The following ZC3H8 variants were observed in gnomAD, a reference collection of about 807,000 sequenced individuals.
ZC3H8 encodes the protein zinc finger CCCH-type containing 8.
In ZC3H8, 27 loss-of-function variants were observed where a neutral mutation model predicts 42.5. The ratio of observed to expected loss-of-function variants is 0.64; its 90% CI spans 0.47 to 0.88. ZC3H8 has a LOEUF of 0.88. Ranked by LOEUF, ZC3H8 falls within the 40% of genes least tolerant of loss-of-function variation. The pLI is 0.00. For synonymous variants in ZC3H8, 101 were observed against 110.1 expected, an observed-to-expected ratio of 0.92 and a Z score of 0.52; for missense variants, 277 against 336.1, an observed-to-expected ratio of 0.82 and a Z score of 1.37.
chr2:112,232,056 G>T, intron 6 of ZC3H8, 109 bp from the exon 7 acceptor site: 1 of 549,944 alleles, frequency 1.8e-6, no homozygotes, highest in Non-Finnish European at 2.9e-6. Flanking sequence ...GGGCGAGGTG[G>T]CTCATGCCTG....
In ZC3H8 at chr2:112,212,203, G is replaced by A. The variant is rs1387737335; in HGVS notation, c.*4281C>T. ...GTGGAAAAGGGAGACAGCTCCCCAG[G>A]GCCTCTTTTATAAGGGCACTAATCC... On this transcript the variant is annotated 3_prime_UTR_variant, in exon 9 of 9. Transcript: ENST00000409573. The A allele has an allele frequency of 6.6e-6, 1 of 152,108 alleles. No homozygotes were observed. Among genetic ancestry groups the A allele is most frequent in the Non-Finnish European group, 1.5e-5 (1 of 68,056 alleles). The allele number at this position is 152,108 out of a possible 1,614,324, so 9.4% of individuals were successfully genotyped here.
intron 8 of ZC3H8, among the ~76,000 whole-genome samples, chr2:112,225,555 G>GC (rs1287146816): frequency 6.6e-6 from 1 of 152,228 alleles, no homozygotes; most frequent in African/African-American, 2.4e-5. Context: ...AGTGGCTCAT[G>GC]CCTGTAATCC....
rs1458174119 is a variant in ZC3H8 at position 112,254,951 on chromosome 2, G to A, written c.31C>T (p.Pro11Ser). The change falls in exon 1 of 9, where the codon CCC becomes TCC. Residue 11 changes from proline to serine, a missense_variant. By Grantham distance (74) the Pro-to-Ser change is moderately conservative. Transcript: ENST00000409573. MDFENLFSKP[P>S]NPALGKTATD... ...GCCGTTTTGCCGAGGGCCGGGTTGGGGGGTTTTGAGAAAAGATTCTCAAAA... is the reference window on the plus strand; with the variant it reads ...GCCGTTTTGCCGAGGGCCGGGTTGGAGGGTTTTGAGAAAAGATTCTCAAAA... The A allele has an allele frequency of 6.2e-7, 1 of 1,613,110 alleles. No individual in the cohort carries two copies. The highest frequency in any genetic ancestry group is 8.5e-7 in the Non-Finnish European group (1 of 1,179,594).
At chr2:112,239,876 T>C (rs1475578794) in intron 2 of ZC3H8, among the ~76,000 whole-genome samples, 1 of 152,150 alleles carries the variant, frequency 6.6e-6, no homozygotes, top group Non-Finnish European at 1.5e-5. Context: ...TGAGCCACCA[T>C]GCCCGGCAAC....
intron 2 of ZC3H8, among the ~76,000 whole-genome samples, chr2:112,243,549 G>A (rs1685655705): frequency 6.6e-6 from 1 of 152,064 alleles, no homozygotes; most frequent in Admixed American, 6.5e-5. Flanking sequence ...CAGTAACTTT[G>A]AACCCCAATT....
At position 112,230,927 on chromosome 2, in the gene ZC3H8, T is replaced by A; in HGVS notation, c.867A>T (p.Ser289=). The A allele has an allele frequency of 7.8e-7, 1 of 1,276,108 alleles. No homozygotes were observed. Among genetic ancestry groups the A allele is most frequent in the Non-Finnish European group, 1.0e-6 (1 of 973,214 alleles). 79.0% of individuals were successfully genotyped at this position (1,276,108 alleles called of 1,614,324 possible). Residue 289 remains serine (S), a synonymous_variant, in exon 8 of 9, where the codon TCA becomes TCT. Coordinates refer to ENST00000409573, the MANE Select transcript of ZC3H8 (RefSeq NM_032494.3). ...LAKVLDTEKK[S]CK The stretch of plus-strand genomic sequence containing the variant: ...CCTTTTTATGTCTATTTTATTTACA[T>A]GACTTCTTTTCAGTATCCAAAACCT...
At chr2:112,240,248 C>T (rs1685522912) in intron 2 of ZC3H8, 1 of 152,194 alleles carries the variant, frequency 6.6e-6, no homozygotes, top group Admixed American at 6.5e-5. Context: ...CCAATTACAT[C>T]CATTCATTTA....
intron 8 of ZC3H8, among the ~76,000 whole-genome samples, chr2:112,217,322 A>C (rs765830748): frequency 1.3e-5 from 2 of 152,196 alleles, no homozygotes; most frequent in Admixed American, 6.5e-5. Flanking sequence ...GCAGTGAGCA[A>C]AGATCGTGCC....
intron 2 of ZC3H8, among the ~76,000 whole-genome samples, chr2:112,242,177 T>C (rs1355345991): frequency 6.6e-6 from 1 of 152,214 alleles, no homozygotes; most frequent in African/African-American, 2.4e-5. Flanking sequence ...CTGGAGTCAG[T>C]GAACTACAAC....
intron 3 of ZC3H8, among the ~76,000 whole-genome samples, chr2:112,236,966 C>G (rs1685362893): frequency 6.6e-6 from 1 of 152,192 alleles, no homozygotes. Context: ...TAGGCTAAGG[C>G]AGGAGGATTG....
chr2:112,252,576 C>T (rs1406573349), intron 1 of ZC3H8, among the ~76,000 whole-genome samples: 1 of 152,158 alleles, frequency 6.6e-6, no homozygotes, highest in Non-Finnish European at 1.5e-5. Flanking sequence ...GTCCTTATTT[C>T]GGCACCTACC....
chr2:112,254,200 T>C (rs1686048334), intron 1 of ZC3H8: 13 of 965,674 alleles, frequency 1.3e-5, no homozygotes, highest in Non-Finnish European at 1.6e-5. Context: ...TATATCTCAG[T>C]TGAGGGAAAT....
chr2:112,218,679 TAG>T (rs368247187), intron 8 of ZC3H8, among the ~76,000 whole-genome samples: 9 of 151,616 alleles, frequency 5.9e-5, no homozygotes, highest in Non-Finnish European at 1.2e-4. Flanking sequence ...TTTGGAAACA[TAG>T]AGAGAGAGAG....
chr2:112,217,008 G>A (rs1684354973), intron 8 of ZC3H8, among the ~76,000 whole-genome samples: 1 of 152,130 alleles, frequency 6.6e-6, no homozygotes, highest in Non-Finnish European at 1.5e-5. Flanking sequence ...ATTTTTGGTT[G>A]AGCCCGCAGA....
At chr2:112,232,842 T>TA (rs1685154255) in intron 6 of ZC3H8, among the ~76,000 whole-genome samples, 1 of 152,230 alleles carries the variant, frequency 6.6e-6, no homozygotes, top group Admixed American at 6.5e-5. Flanking sequence ...GAGCTAAGGC[T>TA]ATTCTGCAAA....
At chr2:112,231,999 T>C in intron 6 of ZC3H8, 52 bp from the exon 7 acceptor site, 2 of 1,122,120 alleles carry the variant, frequency 1.8e-6, no homozygotes, top group Non-Finnish European at 2.6e-6. Context: ...GAAATAATGT[T>C]ATTAACTTAA....
chr2:112,238,882 CACATT>C (rs922693475), intron 2 of ZC3H8, among the ~76,000 whole-genome samples: 1 of 152,216 alleles, frequency 6.6e-6, no homozygotes, highest in African/African-American at 2.4e-5. Flanking sequence ...TTACAGTTCA[CACATT>C]ACATTTCTGC....
chr2:112,226,355 G>A (rs1303288805), intron 8 of ZC3H8, among the ~76,000 whole-genome samples: 9 of 152,010 alleles, frequency 5.9e-5, no homozygotes, highest in Non-Finnish European at 1.3e-4. Flanking sequence ...TTGGGAGGCT[G>A]AGGCGGGCAG....
At position 112,239,579 on chromosome 2, in the gene ZC3H8, C is replaced by CTTTTT. The variant is rs200972008; in HGVS notation, c.157-1056_157-1052dup. Reference sequence around the variant, plus strand: ...TTAGGTGGCCCAATTTAACAGTTTACTTTTTTTTTTTTTTTTTTTTTTTTT... The same window carrying CTTTTT: ...TTAGGTGGCCCAATTTAACAGTTTACTTTTTTTTTTTTTTTTTTTTTTTTTTTTTT... On this transcript the variant is annotated intron_variant, in intron 2 of 8. Coordinates refer to ENST00000409573, the MANE Select transcript of ZC3H8 (RefSeq NM_032494.3). Among the ~76,000 whole-genome samples, 333 of 86,462 alleles carry CTTTTT rather than the reference C, an allele frequency of 3.9e-3. 5 individuals carry two copies. The highest frequency in any genetic ancestry group is 7.6e-3 in the African/African-American group (144 of 18,996). 56.7% of individuals were successfully genotyped at this position (86,462 alleles called of 152,430 possible).
Sources: gnomAD v4.1 joint callset for allele counts (sites outside exome capture counted in the v4.1 genomes callset) on GRCh38, gnomAD v4.1.1 for gene constraint, MANE v1.5 for transcripts, NCBI Gene and HGNC (gene_info 2026-07-23, HGNC 2026-07-21) for gene names.